The following ZBTB11 variants were observed in gnomAD, a reference collection of about 807,000 sequenced individuals.
ZBTB11 encodes zinc finger and BTB domain containing 11, also known as zinc finger and BTB domain-containing protein 11.
A neutral mutation model predicts 113.1 loss-of-function variants in ZBTB11; 68 were observed. The observed-to-expected ratio is 0.60, with a 90% CI of 0.49 to 0.74. The LOEUF (loss-of-function observed/expected upper bound fraction) is 0.74, where lower values mean the gene tolerates loss of function less well. ZBTB11 is among the 30% of genes least tolerant of loss of function. ZBTB11 has a pLI of 0.00. For synonymous variants in ZBTB11, 518 were observed against 452.6 expected (o/e 1.14, Z -1.83); for missense variants, 1,104 against 1,279.4 (o/e 0.86, Z 2.09).
chr3:101,654,120 A>G (rs1936754030), intron 8 of ZBTB11, among the ~76,000 whole-genome samples: 1 of 151,604 alleles, frequency 6.6e-6, no homozygotes, highest in Non-Finnish European at 1.5e-5. Flanking sequence ...GCTCACTGCA[A>G]CCTCCCACCT....
At chr3:101,651,839 A>G (rs1936708934) in intron 10 of ZBTB11, among the ~76,000 whole-genome samples, 156 bp from the exon 11 acceptor site, 1 of 152,212 alleles carries the variant, frequency 6.6e-6, no homozygotes, top group African/African-American at 2.4e-5. Flanking sequence ...TCCTTAGAAT[A>G]AAGAAGATTC....
In ZBTB11 at chr3:101,648,895, AG is replaced by A. The variant is rs1355914388; in HGVS notation, c.*2270del. On this transcript the variant is annotated 3_prime_UTR_variant, in exon 11 of 11. Transcript: ENST00000312938. The stretch of plus-strand genomic sequence containing the variant: ...GTACCTGCGTTCTTGTCCAGCGTCC[AG>A]GAAGAATCAGGTCACATGGACAAAT... 3 of 152,288 alleles carry A rather than the reference AG, an allele frequency of 2.0e-5. No individual in the cohort carries two copies. In the South Asian group the frequency reaches 6.2e-4, roughly 32 times the overall value. 9.4% of individuals were successfully genotyped at this position (152,288 alleles called of 1,614,324 possible). A position where few individuals can be genotyped will look rare whatever the true frequency, so the allele number is the denominator to read the frequency against.
Position 101,651,556 on chromosome 3 carries a change from T to TA in ZBTB11, c.2771dup (p.Asp925ArgfsTer7). The TA allele has an allele frequency of 6.2e-7, 1 of 1,614,204 alleles. No individual in the cohort carries two copies. Among genetic ancestry groups the TA allele is most frequent in the Non-Finnish European group, 8.5e-7 (1 of 1,180,030 alleles). ...TATGTTTACGGAGTGTTCGAGCATC[T>TA]ATGTAGGCTTCGCTACATACAGGAC... is the stretch of plus-strand genomic sequence containing the variant. On this transcript the variant is annotated frameshift_variant, in exon 11 of 11. Coordinates refer to ENST00000312938, the MANE Select transcript of ZBTB11 (RefSeq NM_014415.4). LOFTEE classifies it high-confidence loss of function.
chr3:101,667,782 C>T (rs1284434702), intron 3 of ZBTB11, among the ~76,000 whole-genome samples: 1 of 152,010 alleles, frequency 6.6e-6, no homozygotes, highest in African/African-American at 2.4e-5. Context: ...TAAATTAGTA[C>T]ACCAGGATGA....
chr3:101,671,035 A>T, intron 3 of ZBTB11, 95 bp downstream of exon 3: 1 of 1,013,978 alleles, frequency 9.9e-7, no homozygotes, highest in Non-Finnish European at 1.5e-6. Flanking sequence ...GGCTTCTCTT[A>T]CTTTGGCATA....
chr3:101,652,477 T>C lies in ZBTB11; in HGVS notation c.2644+19A>G, dbSNP rs779794686. 15 of 1,608,130 alleles carry C rather than the reference T, an allele frequency of 9.3e-6. No individual in the cohort carries two copies. The highest frequency in any genetic ancestry group is 1.2e-5 in the Non-Finnish European group (14 of 1,176,810). ...GGCTTTTATTCTATAAGGATACATA[T>C]AATATAAAGTATAGTTACCTTCATG... is the stretch of plus-strand genomic sequence containing the variant. On this transcript the variant is annotated intron_variant, in intron 10 of 10. Transcript: ENST00000312938.
chr3:101,664,474 C>A, intron 5 of ZBTB11, 64 bp downstream of exon 5: 2 of 1,445,622 alleles, frequency 1.4e-6, no homozygotes, highest in South Asian at 1.4e-5. Context: ...GATAACCATG[C>A]AGTAAGTTGG....
At position 101,665,600 on chromosome 3, in the gene ZBTB11, G is replaced by A. The variant is rs762887798; in HGVS notation, c.987C>T (p.Ser329=). 1.2e-6 allele frequency: 2 copies of A among 1,614,212 alleles called. No individual in the cohort carries two copies. The highest frequency in any genetic ancestry group is 2.2e-5 in the South Asian group (2 of 91,086). ...YKKGEVQTVA[S]TQDLRVQNGG... is the part of the protein sequence containing the mutation. ...CATTCTGTACTCGTAAGTCCTGGGTGGATGCAACTGTTTGTACTTCGCCCT... is the reference window on the plus strand; with the variant it reads ...CATTCTGTACTCGTAAGTCCTGGGTAGATGCAACTGTTTGTACTTCGCCCT... Residue 329 remains serine, a synonymous_variant, in exon 4 of 11, where the codon TCC becomes TCT. Transcript: ENST00000312938.
At position 101,664,572 on chromosome 3, in the gene ZBTB11, A is replaced by C. The variant is rs754600619; in HGVS notation, c.1766T>G (p.Leu589Arg). Residue 589 changes from leucine to arginine, a missense_variant, in exon 5 of 11, where the codon CTG becomes CGG. Physicochemically the swap from Leu to Arg is moderately radical, Grantham distance 102. Around this residue, in one of 5 missense-constraint regions of ZBTB11, gnomAD observed 535 missense variants for 518.6 expected, o/e 1.03. Transcript: ENST00000312938. ...QRRYALIMHK[L>R]KHERARDYKC... Reference sequence around the variant, plus strand: ...GTAATCTCTAGCTCTTTCATGTTTCAGTTTGTGCATTATAAGGGCGTATCG... The same window carrying C: ...GTAATCTCTAGCTCTTTCATGTTTCCGTTTGTGCATTATAAGGGCGTATCG... 5 of 1,608,532 alleles carry C rather than the reference A, an allele frequency of 3.1e-6. No homozygotes were observed. Among genetic ancestry groups the C allele is most frequent in the Non-Finnish European group, 4.2e-6 (5 of 1,178,704 alleles).
chr3:101,665,576 A>T lies in ZBTB11; in HGVS notation c.1011T>A (p.Asn337Lys). 1.2e-6 allele frequency: 2 copies of T among 1,614,226 alleles called. No homozygotes were observed. Among genetic ancestry groups the T allele is most frequent in the Non-Finnish European group, 1.7e-6 (2 of 1,180,036 alleles). Residue 337 changes from asparagine (N) to lysine (K), a missense_variant, in exon 4 of 11, where the codon AAT becomes AAA. Around this residue, in one of 5 missense-constraint regions of ZBTB11, gnomAD observed 535 missense variants for 518.6 expected, o/e 1.03. Coordinates refer to ENST00000312938, the MANE Select transcript of ZBTB11 (RefSeq NM_014415.4). ...TAGCAACAGGAGGTGCTGTACCTCC[A>T]TTCTGTACTCGTAAGTCCTGGGTGG... ...VASTQDLRVQ[N>K]GGTAPPVASS...
intron 7 of ZBTB11, chr3:101,655,726 TCTTGGCTCACAGCAAC>T: frequency 6.6e-6 from 1 of 152,016 alleles, no homozygotes; most frequent in Non-Finnish European, 1.5e-5. Context: ...AGTGGCGCGA[TCTTGGCTCACAGCAAC>T]CTCCGCCTCC....
intron 5 of ZBTB11, among the ~76,000 whole-genome samples, chr3:101,661,616 A>G (rs1268790608): frequency 6.6e-6 from 1 of 152,186 alleles, no homozygotes; most frequent in East Asian, 1.9e-4. Flanking sequence ...AAAAACCTAA[A>G]GCCATTCTGA....
intron 3 of ZBTB11, 30 bp downstream of exon 3, chr3:101,671,100 C>T (rs917824382): frequency 2.8e-5 from 44 of 1,579,818 alleles, no homozygotes; most frequent in Non-Finnish European, 3.6e-5. Flanking sequence ...TCATTACAAA[C>T]AAAAAGCAAG....
chr3:101,659,731 A>G, intron 6 of ZBTB11, 52 bp downstream of exon 6: 1 of 1,596,352 alleles, frequency 6.3e-7, no homozygotes, highest in Non-Finnish European at 8.6e-7. Context: ...TTTGGCACAC[A>G]TAGTTAAGTT....
intron 1 of ZBTB11, 49 bp from the exon 2 acceptor site, chr3:101,672,262 C>T: frequency 1.5e-6 from 2 of 1,315,608 alleles, no homozygotes; most frequent in Non-Finnish European, 2.1e-6. Flanking sequence ...TAACTGAAAA[C>T]AGAATATATT....
At chr3:101,672,683 C>CTGGA (rs1937102232) in intron 1 of ZBTB11, among the ~76,000 whole-genome samples, 1 of 152,238 alleles carries the variant, frequency 6.6e-6, no homozygotes, top group Non-Finnish European at 1.5e-5. Context: ...TGCCACTGCA[C>CTGGA]TCCAGCCTGG....
intron 7 of ZBTB11, among the ~76,000 whole-genome samples, chr3:101,655,591 A>AT (rs1025188121): frequency 6.6e-6 from 1 of 151,858 alleles, no homozygotes; most frequent in African/African-American, 2.4e-5. Flanking sequence ...CTTAGTACAC[A>AT]TTTTTCTACA....
rs115176474 is a variant in ZBTB11, at chr3:101,675,364, T to C, written c.310+1241A>G. 5.6e-3 allele frequency among the ~76,000 whole-genome samples: 846 copies of C among 152,362 alleles called. 15 individuals carry two copies. The highest frequency in any genetic ancestry group is 0.019 in the African/African-American group (786 of 41,578). On this transcript the variant is annotated intron_variant, in intron 1 of 10. Coordinates refer to ENST00000312938, the MANE Select transcript of ZBTB11 (RefSeq NM_014415.4). ...TTAAAGTGGAAAATAAATGGAAGAATTTGATTATCCAATAGTTCGTAAACG... is the reference window on the plus strand; with the variant it reads ...TTAAAGTGGAAAATAAATGGAAGAACTTGATTATCCAATAGTTCGTAAACG...
chr3:101,650,991 G>T lies in ZBTB11; in HGVS notation c.*175C>A, dbSNP rs150939318. The T allele has an allele frequency of 8.3e-6, 5 of 604,014 alleles. No homozygotes were observed. The highest frequency in any genetic ancestry group is 2.7e-6 in the Non-Finnish European group (1 of 375,410). The allele number at this position is 604,014 out of a possible 1,614,324, so 37.4% of individuals were successfully genotyped here. A position where few individuals can be genotyped will look rare whatever the true frequency, so the allele number is the denominator to read the frequency against. On this transcript the variant is annotated 3_prime_UTR_variant, in exon 11 of 11. Coordinates refer to ENST00000312938, the MANE Select transcript of ZBTB11 (RefSeq NM_014415.4). ...TGTTTTCAATTTCTCTACACTAAAC[G>T]GACTTTTCTATAGAACCCATTGGCC...
Sources: allele counts gnomAD v4.1 joint callset (sites outside exome capture counted in the v4.1 genomes callset), GRCh38; gene constraint gnomAD v4.1.1; regional missense constraint gnomAD v4.1.1; transcripts MANE v1.5; gene names NCBI Gene and HGNC (gene_info 2026-07-23, HGNC 2026-07-21).